SGMS2: variants seen among roughly 807,000 people sequenced by gnomAD.
SGMS2 encodes sphingomyelin synthase 2, also known as phosphatidylcholine:ceramide cholinephosphotransferase 2.
In SGMS2, 21 loss-of-function variants were observed where a neutral mutation model predicts 43.8. The ratio of observed to expected loss-of-function variants is 0.48; its 90% CI spans 0.34 to 0.69. The LOEUF (loss-of-function observed/expected upper bound fraction) is 0.69. Among genes scored for constraint, SGMS2 ranks in the 30% least tolerant of loss-of-function variants. The pLI is 0.01. For missense variants in SGMS2, 384 were observed against 443.2 expected, an observed-to-expected ratio of 0.87 and a Z score of 1.20; for synonymous variants, 167 against 160.6, an observed-to-expected ratio of 1.04 and a Z score of -0.30.
At chr4:107,850,906 C>G (rs1251450954) in intron 1 of SGMS2, among the ~76,000 whole-genome samples, 1 of 152,154 alleles carries the variant, frequency 6.6e-6, no homozygotes, top group Non-Finnish European at 1.5e-5. Flanking sequence ...GTTGCAAAAC[C>G]TTCTACGAGT....
chr4:107,891,348 TTA>T (rs1730204022), intron 2 of SGMS2, among the ~76,000 whole-genome samples: 1 of 152,112 alleles, frequency 6.6e-6, no homozygotes, highest in Non-Finnish European at 1.5e-5. Context: ...ATTGCACAAC[TTA>T]TATGATTACT....
intron 5 of SGMS2, among the ~76,000 whole-genome samples, chr4:107,905,526 G>T (rs917512291): frequency 1.3e-5 from 2 of 152,176 alleles, no homozygotes; most frequent in African/African-American, 4.8e-5. Flanking sequence ...TAACTCATTT[G>T]ATCCTTACAA....
chr4:107,848,724 T>C (rs1190439204), intron 1 of SGMS2, among the ~76,000 whole-genome samples: 1 of 152,216 alleles, frequency 6.6e-6, no homozygotes, highest in Non-Finnish European at 1.5e-5. Flanking sequence ...GAGGCATCTG[T>C]TCAGATATTT....
At chr4:107,877,584 G>A (rs1438272962) in intron 2 of SGMS2, among the ~76,000 whole-genome samples, 1 of 152,200 alleles carries the variant, frequency 6.6e-6, no homozygotes, top group Non-Finnish European at 1.5e-5. Context: ...CATGGAACAG[G>A]TAATGCAAGT....
At chr4:107,894,523 T>C (rs780433664) in intron 2 of SGMS2, 2 of 152,206 alleles carry the variant, frequency 1.3e-5, no homozygotes, top group African/African-American at 4.8e-5. Context: ...TTCTGTTGTT[T>C]GGTAGAAATT....
intron 2 of SGMS2, chr4:107,866,766 T>C (rs1728161211): frequency 2.0e-5 from 3 of 152,184 alleles, no homozygotes. Context: ...TTAAACTTTC[T>C]TTGGTGAGGT....
intron 2 of SGMS2, among the ~76,000 whole-genome samples, chr4:107,878,152 G>A (rs558814377): frequency 6.6e-6 from 1 of 152,168 alleles, no homozygotes; most frequent in South Asian, 2.1e-4. Context: ...CTGACCTCAC[G>A]ATCCACCCAC....
chr4:107,869,238 G>T (rs1230723695), intron 2 of SGMS2, among the ~76,000 whole-genome samples: 1 of 152,192 alleles, frequency 6.6e-6, no homozygotes, highest in Non-Finnish European at 1.5e-5. Context: ...ACATACCAGG[G>T]AGTTGTAGCA....
chr4:107,837,324 T>C (rs927200078), intron 1 of SGMS2, among the ~76,000 whole-genome samples: 1 of 152,086 alleles, frequency 6.6e-6, no homozygotes, highest in African/African-American at 2.4e-5. Flanking sequence ...AGAGAGTGAC[T>C]GGGGCAGCCT....
At chr4:107,883,654 A>G (rs534565599) in intron 2 of SGMS2, among the ~76,000 whole-genome samples, 1 of 152,340 alleles carries the variant, frequency 6.6e-6, no homozygotes, top group East Asian at 1.9e-4. Context: ...TGTAATATTA[A>G]GGTAACCATA....
At chr4:107,878,449 G>A (rs1356541994) in intron 2 of SGMS2, among the ~76,000 whole-genome samples, 1 of 152,090 alleles carries the variant, frequency 6.6e-6, no homozygotes, top group Non-Finnish European at 1.5e-5. Flanking sequence ...ATATTTGAAT[G>A]GAAATGTGAA....
intron 4 of SGMS2, among the ~76,000 whole-genome samples, chr4:107,902,347 T>G (rs767452641): frequency 5.3e-5 from 8 of 152,022 alleles, no homozygotes; most frequent in Non-Finnish European, 8.8e-5. Flanking sequence ...CATGATTTTT[T>G]TTTCTGAGCA....
chr4:107,876,401 C>T (rs1442691953), intron 2 of SGMS2, among the ~76,000 whole-genome samples: 1 of 152,180 alleles, frequency 6.6e-6, no homozygotes. Context: ...CCATACAGAG[C>T]AGGATTATCT....
chr4:107,853,016 G>A (rs1311795146), intron 1 of SGMS2, among the ~76,000 whole-genome samples: 2 of 151,994 alleles, frequency 1.3e-5, no homozygotes, highest in Non-Finnish European at 2.9e-5. Context: ...TTCTTTTATT[G>A]TGAAGGTTTG....
chr4:107,895,622 T>G lies in SGMS2; in HGVS notation c.69T>G (p.Thr23=), dbSNP rs530407088. Residue 23 remains threonine, a synonymous_variant, in exon 3 of 7, where the codon ACT becomes ACG. Transcript: ENST00000690982. The stretch of plus-strand genomic sequence containing the variant: ...ATCAACCCAGTGATCCTACGAACAC[T>G]TATGCAAGACCCGCTGAACCTGTTG... ...LENQPSDPTN[T]YARPAEPVEE... 195 of 1,614,002 alleles carry G rather than the reference T, an allele frequency of 1.2e-4. 2 individuals carry two copies. The South Asian group carries it at 2.0e-3, about 17-fold the overall frequency.
At chr4:107,826,834 T>C (rs1725621329) in intron 1 of SGMS2, among the ~76,000 whole-genome samples, 1 of 152,214 alleles carries the variant, frequency 6.6e-6, no homozygotes, top group African/African-American at 2.4e-5. Context: ...GAAGAAACTT[T>C]AGCACTTGTG....
Position 107,913,777 on chromosome 4 carries a change from TTTG to T in SGMS2, c.*3227_*3229del, listed in dbSNP as rs1271495571. 2 of 152,206 alleles carry T rather than the reference TTTG, an allele frequency of 1.3e-5. No individual in the cohort carries two copies. Among genetic ancestry groups the T allele is most frequent in the African/African-American group, 2.4e-5 (1 of 41,460 alleles). 9.4% of individuals were successfully genotyped at this position (152,206 alleles called of 1,614,324 possible). A position where few individuals can be genotyped will look rare whatever the true frequency, so the allele number is the denominator to read the frequency against. On this transcript the variant is annotated 3_prime_UTR_variant, in exon 7 of 7. Transcript: ENST00000690982. The stretch of plus-strand genomic sequence containing the variant: ...TGTCTCCCTTTATAACGACCTATGT[TTTG>T]TTTACTTTGAAACACCAAATTTGTT...
intron 2 of SGMS2, among the ~76,000 whole-genome samples, chr4:107,869,502 A>T (rs1728392418): frequency 6.6e-6 from 1 of 152,230 alleles, no homozygotes; most frequent in African/African-American, 2.4e-5. Flanking sequence ...CCAGATTATG[A>T]AAAGCCTTGT....
chr4:107,858,016 C>CA (rs941394806), intron 1 of SGMS2, among the ~76,000 whole-genome samples: 1 of 152,096 alleles, frequency 6.6e-6, no homozygotes, highest in African/African-American at 2.4e-5. Flanking sequence ...CCCCACCCCC[C>CA]CCATCCCCAA....
Sources: allele counts gnomAD v4.1 joint callset (sites outside exome capture counted in the v4.1 genomes callset), GRCh38; gene constraint gnomAD v4.1.1; transcripts MANE v1.5; gene names NCBI Gene and HGNC (gene_info 2026-07-23, HGNC 2026-07-21).